Variants in NEDD4L observed in about 807,000 individuals in gnomAD.
NEDD4L encodes the protein E3 ubiquitin-protein ligase NEDD4-like.
A neutral mutation model predicts 148.9 loss-of-function variants in NEDD4L; 54 were observed. That is an observed-to-expected ratio of 0.36 (90% CI 0.29 to 0.45). NEDD4L has a LOEUF of 0.45. Ranked by LOEUF, NEDD4L falls within the 20% of genes least tolerant of loss-of-function variation. NEDD4L has a pLI of 1.00. For missense variants in NEDD4L, 856 were observed against 1,233.8 expected, an observed-to-expected ratio of 0.69 and a Z score of 4.59; for synonymous variants, 433 against 440.7, an observed-to-expected ratio of 0.98 and a Z score of 0.22.
At chr18:58,275,092 A>G (rs545945283) in intron 5 of NEDD4L, among the ~76,000 whole-genome samples, 1 of 152,366 alleles carries the variant, frequency 6.6e-6, no homozygotes, top group South Asian at 2.1e-4. Context: ...CAATTTAACT[A>G]GTAATAGCCT....
intron 1 of NEDD4L, among the ~76,000 whole-genome samples, chr18:58,088,175 C>A (rs1443371751): frequency 6.6e-6 from 1 of 152,234 alleles, no homozygotes; most frequent in Non-Finnish European, 1.5e-5. Flanking sequence ...ACACATGATT[C>A]AGGAGACCAG....
intron 1 of NEDD4L, among the ~76,000 whole-genome samples, chr18:58,072,866 G>GCA (rs762001300): frequency 2.5e-5 from 3 of 118,914 alleles, no homozygotes; most frequent in African/African-American, 3.9e-5. Context: ...AGGCGCGCGC[G>GCA]CGCGCGCACA....
chr18:58,101,096 G>A (rs1366979536), intron 1 of NEDD4L, among the ~76,000 whole-genome samples: 1 of 152,190 alleles, frequency 6.6e-6, no homozygotes, highest in Non-Finnish European at 1.5e-5. Flanking sequence ...GTGAGCCACC[G>A]TGCCTGGATG....
At chr18:58,067,910 G>A (rs2082680906) in intron 1 of NEDD4L, among the ~76,000 whole-genome samples, 1 of 152,158 alleles carries the variant, frequency 6.6e-6, no homozygotes. Context: ...GAAGGGCTGG[G>A]ACTTCCAGAA....
At chr18:58,096,347 ATTTATTTTATTTTATTTTAT>A (rs149430952) in intron 1 of NEDD4L, among the ~76,000 whole-genome samples, 20,051 of 116,144 alleles carry the variant, frequency 0.17, 1,878 homozygotes, top group Admixed American at 0.22. Flanking sequence ...ATTTTATTTT[ATTTATTTTATTTTATTTTAT>A]TTTATTTTAT....
intron 13 of NEDD4L, among the ~76,000 whole-genome samples, chr18:58,339,102 T>G (rs1396114425): frequency 6.6e-6 from 1 of 151,460 alleles, no homozygotes; most frequent in Non-Finnish European, 1.5e-5. Context: ...CGGAGCTGAG[T>G]TTTCCAGGGG....
At chr18:58,342,819 G>C in intron 15 of NEDD4L, 87 bp from the exon 16 acceptor site, 1 of 1,055,144 alleles carries the variant, frequency 9.5e-7, no homozygotes, top group East Asian at 3.1e-5. Flanking sequence ...CATCTCCAAA[G>C]AGAAGCCTTC....
intron 5 of NEDD4L, among the ~76,000 whole-genome samples, chr18:58,280,176 ACTGCACGTGGCTGC>A (rs2052804539): frequency 6.6e-6 from 1 of 152,102 alleles, no homozygotes; most frequent in Non-Finnish European, 1.5e-5. Context: ...CTGAGCAGCC[ACTGCACGTGGCTGC>A]ATCGCTTTTA....
At chr18:58,057,090 C>T (rs1362463568) in intron 1 of NEDD4L, among the ~76,000 whole-genome samples, 11 of 151,982 alleles carry the variant, frequency 7.2e-5, no homozygotes, top group African/African-American at 2.2e-4. Context: ...GGGGTAAAGT[C>T]AGGCACGGTG....
intron 1 of NEDD4L, among the ~76,000 whole-genome samples, chr18:58,068,147 G>A (rs1056992025): frequency 6.6e-6 from 1 of 150,736 alleles, no homozygotes; most frequent in Non-Finnish European, 1.5e-5. Flanking sequence ...TTAAAGATGA[G>A]GTATTGCTAT....
chr18:58,379,344 C>T (rs1337043472), intron 24 of NEDD4L, among the ~76,000 whole-genome samples: 1 of 152,204 alleles, frequency 6.6e-6, no homozygotes, highest in Non-Finnish European at 1.5e-5. Flanking sequence ...AGAGAGCAGC[C>T]CCTGTGTGAC....
intron 16 of NEDD4L, among the ~76,000 whole-genome samples, chr18:58,347,246 T>C (rs2043218207): frequency 1.0e-5 from 1 of 95,916 alleles, no homozygotes; most frequent in Admixed American, 1.3e-4. Context: ...ACCAGCCTTT[T>C]ACCAATAGGG....
intron 5 of NEDD4L, among the ~76,000 whole-genome samples, chr18:58,280,373 A>T (rs1018434312): frequency 1.3e-5 from 2 of 152,016 alleles, no homozygotes; most frequent in African/African-American, 4.8e-5. Flanking sequence ...GGAAGAGAGC[A>T]CCAGGGGCTG....
intron 3 of NEDD4L, among the ~76,000 whole-genome samples, chr18:58,248,596 A>G (rs2047548813): frequency 6.6e-6 from 1 of 152,206 alleles, no homozygotes; most frequent in Non-Finnish European, 1.5e-5. Context: ...GAATAATCAT[A>G]TCAATGCTAA....
intron 2 of NEDD4L, among the ~76,000 whole-genome samples, chr18:58,211,640 A>G (rs496477): frequency 0.44 from 66,747 of 152,114 alleles, 15,949 homozygotes; most frequent in African/African-American, 0.64. Flanking sequence ...TGAAGTCTTT[A>G]TAGAAGAATA....
chr18:58,061,782 A>G (rs1020369704), intron 1 of NEDD4L, among the ~76,000 whole-genome samples: 16 of 152,230 alleles, frequency 1.1e-4, no homozygotes, highest in Non-Finnish European at 2.1e-4. Context: ...ATTAATTACT[A>G]TCCCTTTGGG....
At chr18:58,323,116 G>A (rs1472456719) in intron 7 of NEDD4L, 116 bp from the exon 8 acceptor site, 1 of 592,402 alleles carries the variant, frequency 1.7e-6, no homozygotes, top group East Asian at 3.1e-5. Flanking sequence ...TGTGGGTATG[G>A]GTGGGTGGGG....
chr18:58,116,414 C>A (rs756206964), intron 1 of NEDD4L, among the ~76,000 whole-genome samples: 5 of 152,168 alleles, frequency 3.3e-5, no homozygotes, highest in Admixed American at 1.3e-4. Context: ...TTCTTCCAGG[C>A]GCAGATGTCA....
intron 10 of NEDD4L, among the ~76,000 whole-genome samples, chr18:58,330,251 T>C (rs2059681182): frequency 6.6e-6 from 1 of 152,254 alleles, no homozygotes; most frequent in Admixed American, 6.5e-5. Context: ...TTTTATACCA[T>C]TGTTTAATTA....
Sources: gnomAD v4.1 joint callset for allele counts (sites outside exome capture counted in the v4.1 genomes callset) on GRCh38, gnomAD v4.1.1 for gene constraint, MANE v1.5 for transcripts, NCBI Gene and HGNC (gene_info 2026-07-23, HGNC 2026-07-21) for gene names.